The following KLF12 variants were observed in gnomAD, a reference collection of about 807,000 sequenced individuals.
KLF12 encodes the protein KLF transcription factor 12, also known as Krueppel-like factor 12.
In KLF12, 9 loss-of-function variants were observed where a neutral mutation model predicts 37.8. The observed-to-expected ratio is 0.24, with a 90% CI of 0.14 to 0.42. The LOEUF (loss-of-function observed/expected upper bound fraction) is 0.42, where lower values mean the gene tolerates loss of function less well. Ranked by LOEUF, KLF12 falls within the 10% of genes least tolerant of loss-of-function variation. The pLI, the probability that KLF12 is intolerant of heterozygous loss-of-function variation, is 1.00. For synonymous variants in KLF12, 208 were observed against 202.1 expected (o/e 1.03, Z -0.25); for missense variants, 411 against 516.0 (o/e 0.80, Z 1.97).
chr13:73,928,203 CCA>C (rs1414722739), intron 3 of KLF12, among the ~76,000 whole-genome samples: 3 of 152,192 alleles, frequency 2.0e-5, no homozygotes, highest in Non-Finnish European at 2.9e-5. Context: ...TCTTGTCCAT[CCA>C]CAGTTTTTAC....
chr13:73,895,605 T>C (rs950964289), intron 3 of KLF12, among the ~76,000 whole-genome samples: 1 of 152,070 alleles, frequency 6.6e-6, no homozygotes, highest in Non-Finnish European at 1.5e-5. Flanking sequence ...TTATGAACCA[T>C]ATATAAAATA....
At chr13:73,835,928 T>G (rs1188271640) in intron 4 of KLF12, among the ~76,000 whole-genome samples, 1 of 152,194 alleles carries the variant, frequency 6.6e-6, no homozygotes, top group Non-Finnish European at 1.5e-5. Context: ...AAACTAGAGC[T>G]GGCTTTTAAA....
chr13:73,979,635 T>C (rs530447182), intron 2 of KLF12, among the ~76,000 whole-genome samples: 1 of 152,132 alleles, frequency 6.6e-6, no homozygotes, highest in Admixed American at 6.5e-5. Context: ...GAAAAAATAA[T>C]GTAAAAGCAA....
intron 1 of KLF12, among the ~76,000 whole-genome samples, chr13:73,998,923 G>A (rs538161661): frequency 6.6e-6 from 1 of 152,214 alleles, no homozygotes; most frequent in Non-Finnish European, 1.5e-5. Context: ...AAGAATGCTT[G>A]TTGCTAGGTG....
the KLF12 span, chr13:74,257,492 G>A: frequency 6.6e-6 from 1 of 152,192 alleles, no homozygotes; most frequent in Non-Finnish European, 1.5e-5. Flanking sequence ...GTCAGTGTGA[G>A]CCAGATGGAG....
chr13:73,717,430 T>C (rs535090596), intron 6 of KLF12, among the ~76,000 whole-genome samples: 1 of 152,364 alleles, frequency 6.6e-6, no homozygotes, highest in South Asian at 2.1e-4. Flanking sequence ...ATTTCCCAAG[T>C]GACGGACATA....
chr13:74,213,756 T>C, the KLF12 span, among the ~76,000 whole-genome samples: 1 of 152,156 alleles, frequency 6.6e-6, no homozygotes, highest in Non-Finnish European at 1.5e-5. Flanking sequence ...ACAAGGTTGG[T>C]ATTGAAAAAT....
the KLF12 span, among the ~76,000 whole-genome samples, chr13:74,202,523 A>G: frequency 2.0e-5 from 3 of 152,130 alleles, no homozygotes; most frequent in Admixed American, 6.6e-5. Context: ...TTCTTAGTAA[A>G]AAATGTGTGT....
rs570641861 is a variant in KLF12 at position 73,709,879 on chromosome 13, T to C, written c.1027+5489A>G. 2.0e-5 allele frequency among the ~76,000 whole-genome samples: 3 copies of C among 152,270 alleles called. No individual in the cohort carries two copies. The South Asian group carries it at 6.2e-4, about 32-fold the overall frequency. ...GGATCATGTCTTAGGGTTTTTTCCT[T>C]GAACGCATCCCATTCAATACATTCA... On this transcript the variant is annotated intron_variant, in intron 7 of 7. Coordinates refer to ENST00000377669, the MANE Select transcript of KLF12 (RefSeq NM_007249.5).
chr13:73,777,418 T>G (rs947851124), intron 5 of KLF12, among the ~76,000 whole-genome samples: 1 of 152,084 alleles, frequency 6.6e-6, no homozygotes, highest in Non-Finnish European at 1.5e-5. Context: ...CATATAAGAA[T>G]TCAGTGGCGG....
At chr13:74,217,513 G>A in the KLF12 span, among the ~76,000 whole-genome samples, 5 of 152,140 alleles carry the variant, frequency 3.3e-5, no homozygotes, top group East Asian at 1.9e-4. Context: ...CAGATCACGA[G>A]GTCAGAAGTT....
At chr13:73,996,854 T>C (rs1162262106) in intron 1 of KLF12, among the ~76,000 whole-genome samples, 1 of 152,120 alleles carries the variant, frequency 6.6e-6, no homozygotes, top group Non-Finnish European at 1.5e-5. Context: ...CTACCGCACT[T>C]AGCTGTACCA....
rs1361899527 is a variant in KLF12 at position 73,874,992 on chromosome 13, G to T, written c.124-28619C>A. 2.6e-5 allele frequency among the ~76,000 whole-genome samples: 4 copies of T among 151,968 alleles called. No individual in the cohort carries two copies. The East Asian group carries it at 7.7e-4, about 29-fold the overall frequency. ...TTATGAGATATAAAAATATAATCAG[G>T]AATAATTTGAGTATGGTTTACAATT... is the stretch of plus-strand genomic sequence containing the variant. On this transcript the variant is annotated intron_variant, in intron 3 of 7. Transcript: ENST00000377669.
At chr13:73,960,581 A>T (rs1359779002) in intron 2 of KLF12, among the ~76,000 whole-genome samples, 2 of 152,172 alleles carry the variant, frequency 1.3e-5, no homozygotes, top group Non-Finnish European at 2.9e-5. Flanking sequence ...TCTAACCAGC[A>T]ATGTGCACAT....
Position 73,945,206 on chromosome 13 carries a change from C to G in KLF12, c.34-1136G>C, listed in dbSNP as rs149497179. Among the ~76,000 whole-genome samples the G allele has an allele frequency of 6.9e-3, 1,055 of 152,314 alleles. 13 individuals are homozygous for G. The highest frequency in any genetic ancestry group is 0.024 in the African/African-American group (1,015 of 41,562). ...CAACTGGGCCAGGCACAGTGGCTCA[C>G]GCCTGTAACCCCAGCACTTTGGGAG... On this transcript the variant is annotated intron_variant, in intron 2 of 7. Coordinates refer to ENST00000377669, the MANE Select transcript of KLF12 (RefSeq NM_007249.5).
chr13:74,292,135 C>T, the KLF12 span, among the ~76,000 whole-genome samples: 1 of 152,196 alleles, frequency 6.6e-6, no homozygotes, highest in African/African-American at 2.4e-5. Context: ...GCTGTATCCA[C>T]TGTACTTGAA....
At chr13:74,244,132 C>A in the KLF12 span, among the ~76,000 whole-genome samples, 1 of 152,078 alleles carries the variant, frequency 6.6e-6, no homozygotes, top group East Asian at 1.9e-4. Flanking sequence ...ACTTATATTC[C>A]CACAGTTGAC....
chr13:73,881,063 C>T (rs1886956615), intron 3 of KLF12, among the ~76,000 whole-genome samples: 1 of 151,874 alleles, frequency 6.6e-6, no homozygotes, highest in African/African-American at 2.4e-5. Flanking sequence ...CTAGAGATAA[C>T]AAAAGTCAAA....
chr13:74,218,960 GAGT>G, the KLF12 span, among the ~76,000 whole-genome samples: 19 of 88,710 alleles, frequency 2.1e-4, no homozygotes, highest in Non-Finnish European at 2.8e-4. Flanking sequence ...ATAAAAATAA[GAGT>G]TTTTTTTTTT....
Sources: allele counts gnomAD v4.1 joint callset (sites outside exome capture counted in the v4.1 genomes callset), GRCh38; gene constraint gnomAD v4.1.1; transcripts MANE v1.5; gene names NCBI Gene and HGNC (gene_info 2026-07-23, HGNC 2026-07-21).